PITPNM2: variants seen among roughly 807,000 people sequenced by gnomAD.
The protein encoded by PITPNM2 is membrane-associated phosphatidylinositol transfer protein 2.
PITPNM2 carries 35 observed loss-of-function variants against 132.2 expected under a neutral mutation model. That is an observed-to-expected ratio of 0.26 (90% CI 0.20 to 0.35). PITPNM2 has a LOEUF of 0.35. Ranked by LOEUF, PITPNM2 falls within the 10% of genes least tolerant of loss-of-function variation. PITPNM2 has a pLI of 1.00. For synonymous variants in PITPNM2, 738 were observed against 799.2 expected, an observed-to-expected ratio of 0.92 and a Z score of 1.29; for missense variants, 1,332 against 1,912.0, an observed-to-expected ratio of 0.70 and a Z score of 5.66.
chr12:123,072,355 G>C (rs991805200), intron 2 of PITPNM2, among the ~76,000 whole-genome samples: 2 of 152,174 alleles, frequency 1.3e-5, no homozygotes, highest in African/African-American at 4.8e-5. Context: ...ATTCTCCCCT[G>C]CCCTCCAGCC....
At chr12:123,059,166 T>TTTCC (rs2041145666) in intron 2 of PITPNM2, among the ~76,000 whole-genome samples, 1 of 152,086 alleles carries the variant, frequency 6.6e-6, no homozygotes, top group Non-Finnish European at 1.5e-5. Flanking sequence ...AGCCCATGTG[T>TTTCC]TTCCAGTCAG....
In PITPNM2 at chr12:123,150,842, C is replaced by A. The variant is rs1286822880; in HGVS notation, c.-289G>T. 1.4e-5 allele frequency among the ~76,000 whole-genome samples: 2 copies of A among 146,266 alleles called. No homozygotes were observed. Among genetic ancestry groups the A allele is most frequent in the Non-Finnish European group, 3.0e-5 (2 of 65,788 alleles). ...GCCGCCTCACGGGGAGCGCCCGCCC[C>A]GCGGCCCCGGCCCGGCCGGCTGCGC... On this transcript the variant is annotated 5_prime_UTR_variant, in exon 1 of 26. Transcript: ENST00000320201. This position sits in a 1 kb window ranked among gnomAD's most constrained non-coding sequence, Gnocchi z 6.0.
At chr12:123,110,712 AC>A (rs2042817897) in intron 1 of PITPNM2, among the ~76,000 whole-genome samples, 1 of 152,116 alleles carries the variant, frequency 6.6e-6, no homozygotes, top group Non-Finnish European at 1.5e-5. Flanking sequence ...ATTGCCCGGC[AC>A]CCCTTCTACT....
intron 17 of PITPNM2, 59 bp from the exon 18 acceptor site, chr12:122,990,007 T>C (rs2038117096): frequency 5.6e-6 from 7 of 1,250,470 alleles, no homozygotes; most frequent in Non-Finnish European, 7.2e-6. Context: ...CTGCCACGTC[T>C]ACCAGGGGCC....
intron 10 of PITPNM2, among the ~76,000 whole-genome samples, chr12:122,998,881 G>A (rs1473867534): frequency 6.6e-6 from 1 of 152,212 alleles, no homozygotes; most frequent in African/African-American, 2.4e-5. Context: ...GGGAGGCCGA[G>A]GCAGGCAGAT....
At chr12:123,025,442 T>C (rs1263458952) in intron 3 of PITPNM2, among the ~76,000 whole-genome samples, 1 of 151,778 alleles carries the variant, frequency 6.6e-6, no homozygotes, top group Non-Finnish European at 1.5e-5. Context: ...TTTTTTTTTT[T>C]TTTTTTTTGA....
chr12:122,990,909 G>A (rs2038160521), intron 16 of PITPNM2, among the ~76,000 whole-genome samples, 200 bp from the exon 17 acceptor site: 1 of 152,172 alleles, frequency 6.6e-6, no homozygotes, highest in South Asian at 2.1e-4. Context: ...GGGCAGGGTG[G>A]ACTGACGAAT....
At chr12:123,143,784 G>A (rs2043555662) in intron 1 of PITPNM2, among the ~76,000 whole-genome samples, 1 of 152,200 alleles carries the variant, frequency 6.6e-6, no homozygotes. Flanking sequence ...CCTTCTAGAA[G>A]AAGCTACAGC....
At chr12:123,053,729 G>A (rs1319794021) in intron 2 of PITPNM2, among the ~76,000 whole-genome samples, 2 of 151,936 alleles carry the variant, frequency 1.3e-5, no homozygotes, top group Non-Finnish European at 2.9e-5. Context: ...CACCACGCCC[G>A]GCTAATTTTG....
chr12:123,011,553 A>T (rs61272709), intron 5 of PITPNM2, among the ~76,000 whole-genome samples: 1 of 152,346 alleles, frequency 6.6e-6, no homozygotes, highest in African/African-American at 2.4e-5. Context: ...TCAGAATGTG[A>T]TCTTATCTAG....
At chr12:123,072,579 G>C (rs567499290) in intron 2 of PITPNM2, among the ~76,000 whole-genome samples, 1 of 152,262 alleles carries the variant, frequency 6.6e-6, no homozygotes, top group East Asian at 1.9e-4. Context: ...CACCAAACTT[G>C]GCTTTGTCAG....
At chr12:123,033,805 G>A (rs2040176773) in intron 3 of PITPNM2, among the ~76,000 whole-genome samples, 3 of 152,160 alleles carry the variant, frequency 2.0e-5, no homozygotes, top group Admixed American at 1.3e-4. Flanking sequence ...GATCATATGG[G>A]TGGGGCCCTC....
At position 123,108,616 on chromosome 12, in the gene PITPNM2, G is replaced by A. The variant is rs2042770886; in HGVS notation, c.-96+1769C>T. On this transcript the variant is annotated intron_variant, in intron 2 of 25. Coordinates refer to ENST00000320201, the MANE Select transcript of PITPNM2 (RefSeq NM_020845.3). The surrounding 1 kb of genome is among the most constrained non-coding windows in gnomAD (Gnocchi z 4.4). ...CCCTACATCCACTCCCAGTAGCTGGGACACCTTGGAAAGTGAATTAAAACA... is the reference window on the plus strand; with the variant it reads ...CCCTACATCCACTCCCAGTAGCTGGAACACCTTGGAAAGTGAATTAAAACA... Among the ~76,000 whole-genome samples, 1 of 152,178 alleles carries A rather than the reference G, an allele frequency of 6.6e-6. No individual in the cohort carries two copies. Among genetic ancestry groups the A allele is most frequent in the Non-Finnish European group, 1.5e-5 (1 of 68,046 alleles).
rs1235735524 is a variant in PITPNM2, at chr12:123,099,842, G to A, written c.-96+10543C>T. ...AGATGTGCCAGGCACTGACAGCCTG[G>A]GAGGCCTATTCCCAGGGGCAATCAG... On this transcript the variant is annotated intron_variant, in intron 2 of 25. Coordinates refer to ENST00000320201, the MANE Select transcript of PITPNM2 (RefSeq NM_020845.3). This position sits in a 1 kb window ranked among gnomAD's most constrained non-coding sequence, Gnocchi z 4.2. 2.0e-5 allele frequency among the ~76,000 whole-genome samples: 3 copies of A among 152,076 alleles called. No homozygotes were observed. The highest frequency in any genetic ancestry group is 2.9e-5 in the Non-Finnish European group (2 of 68,016).
At chr12:123,128,815 T>C (rs182894095) in intron 1 of PITPNM2, among the ~76,000 whole-genome samples, 1 of 151,638 alleles carries the variant, frequency 6.6e-6, no homozygotes, top group East Asian at 1.9e-4. Flanking sequence ...GTTGAAATAT[T>C]TGCCTATCCC....
At position 123,111,088 on chromosome 12, in the gene PITPNM2, T is replaced by C. The variant is rs917282629; in HGVS notation, c.-199-600A>G. ...AAAATGAAAAAGGTGGAGAAATGGATTTCCAAAGAGTCGCAGGTCCAACAG... is the reference window on the plus strand; with the variant it reads ...AAAATGAAAAAGGTGGAGAAATGGACTTCCAAAGAGTCGCAGGTCCAACAG... On this transcript the variant is annotated intron_variant, in intron 1 of 25. Transcript: ENST00000320201. This position sits in a 1 kb window ranked among gnomAD's most constrained non-coding sequence, Gnocchi z 4.1. 2.0e-5 allele frequency among the ~76,000 whole-genome samples: 3 copies of C among 152,078 alleles called. No homozygotes were observed. Among genetic ancestry groups the C allele is most frequent in the African/African-American group, 7.2e-5 (3 of 41,402 alleles).
Position 123,004,422 on chromosome 12 carries a change from G to A in PITPNM2, c.1020C>T (p.Ser340=). 1 of 1,613,950 alleles carries A rather than the reference G, an allele frequency of 6.2e-7. No individual in the cohort carries two copies. Among genetic ancestry groups the A allele is most frequent in the Non-Finnish European group, 8.5e-7 (1 of 1,180,034 alleles). Residue 340 remains serine, a synonymous_variant, in exon 8 of 26, where the codon AGC becomes AGT. Coordinates refer to ENST00000320201, the MANE Select transcript of PITPNM2 (RefSeq NM_020845.3). The surrounding 1 kb of genome is among the most constrained non-coding windows in gnomAD (Gnocchi z 4.9). ...GCGCATCGAAGAACTCATCATCTGAGCTCTCATCCGAGTCCCTGGCAATAC... is the reference window on the plus strand; with the variant it reads ...GCGCATCGAAGAACTCATCATCTGAACTCTCATCCGAGTCCCTGGCAATAC... The part of the protein sequence containing the change: ...MQSIARDSDE[S]SDDEFFDAHE...
rs2136097730 is a variant in PITPNM2, at chr12:122,993,294, C to T, written c.2234-625G>A. Among the ~76,000 whole-genome samples, 1 of 152,278 alleles carries T rather than the reference C, an allele frequency of 6.6e-6. No homozygotes were observed. Among genetic ancestry groups the T allele is most frequent in the East Asian group, 1.9e-4 (1 of 5,178 alleles). ...ACCACCGAGTGCTGGCTAGGGCAGC[C>T]CTGCCCTGCCTGTATCGGAAAATGT... On this transcript the variant is annotated intron_variant, in intron 15 of 25. Coordinates refer to ENST00000320201, the MANE Select transcript of PITPNM2 (RefSeq NM_020845.3). This position sits in a 1 kb window ranked among gnomAD's most constrained non-coding sequence, Gnocchi z 5.2.
In PITPNM2 at chr12:122,997,308, G is replaced by C; in HGVS notation, c.1472+17C>G. ...GTGCACTGCCGGAGGCTGCAATCAA[G>C]GGCAGATGCCACTCACTTGGAGACC... On this transcript the variant is annotated intron_variant, in intron 11 of 25. Transcript: ENST00000320201. The C allele has an allele frequency of 6.2e-7, 1 of 1,611,874 alleles. No homozygotes were observed. The highest frequency in any genetic ancestry group is 2.2e-5 in the East Asian group (1 of 44,866).
Sources: allele counts gnomAD v4.1 joint callset (sites outside exome capture counted in the v4.1 genomes callset), GRCh38; gene constraint gnomAD v4.1.1; non-coding constraint Gnocchi (gnomAD v3.1); transcripts MANE v1.5; gene names NCBI Gene and HGNC (gene_info 2026-07-23, HGNC 2026-07-21).